The following SP100 variants were observed in gnomAD, a reference collection of about 807,000 sequenced individuals.
SP100 encodes SP100 nuclear body protein, also known as nuclear autoantigen Sp-100.
SP100 carries 84 observed loss-of-function variants against 130.0 expected under a neutral mutation model. The ratio of observed to expected loss-of-function variants is 0.65; its 90% CI spans 0.54 to 0.77. SP100 has a LOEUF of 0.77. SP100 is among the 30% of genes least tolerant of loss of function. SP100 has a pLI of 0.00. For missense variants in SP100, 978 were observed against 1,052.2 expected (o/e 0.93, Z 0.97); for synonymous variants, 331 against 351.7 (o/e 0.94, Z 0.66).
intron 16 of SP100, 23 bp from the exon 17 acceptor site, chr2:230,474,371 G>C: frequency 1.4e-6 from 2 of 1,386,990 alleles, no homozygotes; most frequent in Non-Finnish European, 2.0e-6. Flanking sequence ...ACAGTTCTCT[G>C]ACCACTACCT....
rs374876837 is a variant in SP100 at position 230,474,389 on chromosome 2, T to C, written c.1547-5T>C. 6.6e-7 allele frequency: 1 copy of C among 1,513,366 alleles called. No homozygotes were observed. Among genetic ancestry groups the C allele is most frequent in the Non-Finnish European group, 9.1e-7 (1 of 1,096,660 alleles). The allele number at this position is 1,513,366 out of a possible 1,614,324, so 93.7% of individuals were successfully genotyped here. On this transcript the variant is annotated splice_region_variant and splice_polypyrimidine_tract_variant and intron_variant, in intron 16 of 28. Transcript: ENST00000340126. ...GTTCTCTGACCACTACCTGTCACTTTCTAGATACCATGGATGTTGAAAACA... is the reference window on the plus strand; with the variant it reads ...GTTCTCTGACCACTACCTGTCACTTCCTAGATACCATGGATGTTGAAAACA...
intron 2 of SP100, among the ~76,000 whole-genome samples, chr2:230,433,426 T>G (rs947903506): frequency 3.6e-4 from 55 of 152,194 alleles, no homozygotes; most frequent in Admixed American, 3.0e-3. Context: ...TCACAAAGTA[T>G]AAGTCTTCCA....
chr2:230,501,175 G>C (rs1054255751), intron 19 of SP100, among the ~76,000 whole-genome samples: 5 of 152,166 alleles, frequency 3.3e-5, no homozygotes, highest in African/African-American at 1.2e-4. Flanking sequence ...CTGGGAGGTG[G>C]AGGTTGCAGC....
At chr2:230,521,654 T>C (rs1381187348) in intron 24 of SP100, among the ~76,000 whole-genome samples, 1 of 152,194 alleles carries the variant, frequency 6.6e-6, no homozygotes, top group Non-Finnish European at 1.5e-5. Flanking sequence ...CAGCTGGACC[T>C]AGATCAGGGT....
chr2:230,465,105 G>A (rs1187830132), intron 11 of SP100, among the ~76,000 whole-genome samples: 2 of 152,136 alleles, frequency 1.3e-5, no homozygotes, highest in Admixed American at 6.5e-5. Context: ...GCATGGTGGC[G>A]CTTGCCTATA....
At chr2:230,475,281 T>A (rs943673772) in intron 17 of SP100, among the ~76,000 whole-genome samples, 1 of 152,216 alleles carries the variant, frequency 6.6e-6, no homozygotes, top group African/African-American at 2.4e-5. Context: ...TGCATTTATC[T>A]GATGATTAGT....
chr2:230,428,773 C>T (rs955829797), intron 2 of SP100, among the ~76,000 whole-genome samples: 4 of 152,132 alleles, frequency 2.6e-5, no homozygotes, highest in Admixed American at 2.6e-4. Context: ...AACTAGATCT[C>T]ATAAGAACTC....
At chr2:230,541,185 C>A in intron 26 of SP100, 116 bp from the exon 27 acceptor site, 2 of 1,224,534 alleles carry the variant, frequency 1.6e-6, no homozygotes, top group Non-Finnish European at 2.3e-6. Context: ...ACTCCCCATG[C>A]CATGTTTGTT....
rs1291633451 is a variant in SP100 at position 230,440,702 on chromosome 2, A to G, written c.108-2235A>G. ...TGAAGAAATTGACAAACTGATTTGA[A>G]AAGATAATGTATAAAAGCAAAGAAT... On this transcript the variant is annotated intron_variant, in intron 2 of 28. Coordinates refer to ENST00000340126, the MANE Select transcript of SP100 (RefSeq NM_001080391.2). 5 of 709,928 alleles carry G rather than the reference A, an allele frequency of 7.0e-6. No individual in the cohort carries two copies. In the East Asian group the frequency reaches 1.4e-4, roughly 21 times the overall value. 44.0% of individuals were successfully genotyped at this position (709,928 alleles called of 1,614,324 possible).
At chr2:230,478,681 C>G (rs558001090) in intron 17 of SP100, among the ~76,000 whole-genome samples, 1 of 152,236 alleles carries the variant, frequency 6.6e-6, no homozygotes, top group Admixed American at 6.5e-5. Flanking sequence ...GTTATGAAGA[C>G]TTACATTTTT....
At chr2:230,427,844 C>CA (rs1233594211) in intron 2 of SP100, among the ~76,000 whole-genome samples, 2 of 152,220 alleles carry the variant, frequency 1.3e-5, no homozygotes. Context: ...CCCTCCCTCA[C>CA]ATTTCAGTCA....
intron 19 of SP100, among the ~76,000 whole-genome samples, chr2:230,502,455 T>C (rs752917731): frequency 1.9e-4 from 29 of 152,120 alleles, no homozygotes; most frequent in Admixed American, 4.6e-4. Context: ...TTAATTTATA[T>C]ATTTATCTCT....
Position 230,464,161 on chromosome 2 carries a change from T to G in SP100, c.1141+11T>G, listed in dbSNP as rs2064812354. The stretch of plus-strand genomic sequence containing the variant: ...CCCAGATTGTACCAGGTAAGAATAT[T>G]AGAGTTGCAACCCGAGACTGTAGAA... On this transcript the variant is annotated intron_variant, in intron 11 of 28. Coordinates refer to ENST00000340126, the MANE Select transcript of SP100 (RefSeq NM_001080391.2). 1 of 1,533,522 alleles carries G rather than the reference T, an allele frequency of 6.5e-7. No homozygotes were observed. The highest frequency in any genetic ancestry group is 9.0e-7 in the Non-Finnish European group (1 of 1,106,540). 95.0% of individuals were successfully genotyped at this position (1,533,522 alleles called of 1,614,324 possible).
chr2:230,455,561 T>C (rs75519622), intron 8 of SP100, among the ~76,000 whole-genome samples: 2,639 of 152,344 alleles, frequency 0.017, 80 homozygotes, highest in African/African-American at 0.057. Flanking sequence ...TTCATGATTT[T>C]TAAATTCATT....
At chr2:230,484,882 G>A (rs1248061495) in intron 17 of SP100, among the ~76,000 whole-genome samples, 2 of 151,836 alleles carry the variant, frequency 1.3e-5, no homozygotes, top group African/African-American at 4.8e-5. Context: ...TAATTCAACT[G>A]GTGTCTTTTT....
Position 230,504,258 on chromosome 2 carries a change from A to G in SP100, c.1838A>G (p.Lys613Arg). 6.2e-7 allele frequency: 1 copy of G among 1,610,280 alleles called. No individual in the cohort carries two copies. The highest frequency in any genetic ancestry group is 1.3e-5 in the African/African-American group (1 of 74,948). ...SELPVTCGEV[K>R]GTLYKERFKQ... Reference sequence around the variant, plus strand: ...CTTCCTGTGACCTGTGGTGAGGTGAAGGGCACTCTATATAAGGAGCGATTC... The same window carrying G: ...CTTCCTGTGACCTGTGGTGAGGTGAGGGGCACTCTATATAAGGAGCGATTC... The change falls in exon 21 of 29, where the codon AAG becomes AGG. Residue 613 changes from lysine to arginine, a missense_variant. By Grantham distance (26) the Lys-to-Arg change is conservative. Coordinates refer to ENST00000340126, the MANE Select transcript of SP100 (RefSeq NM_001080391.2).
chr2:230,480,529 T>C (rs1378371808), intron 17 of SP100, among the ~76,000 whole-genome samples: 1 of 152,216 alleles, frequency 6.6e-6, no homozygotes, highest in Admixed American at 6.5e-5. Context: ...GCTTCTTGAC[T>C]ACATGTTCTC....
chr2:230,456,114 T>C (rs1369406472), intron 8 of SP100, among the ~76,000 whole-genome samples: 6 of 152,256 alleles, frequency 3.9e-5, no homozygotes, highest in Admixed American at 3.9e-4. Context: ...TGTATTCATC[T>C]TTTGTTTTCC....
chr2:230,504,428 G>C (rs1411410122), intron 21 of SP100, 138 bp downstream of exon 21: 3 of 576,724 alleles, frequency 5.2e-6, no homozygotes, highest in Non-Finnish European at 9.4e-6. Flanking sequence ...GCTTTCCTAG[G>C]ACTTGGGACA....
Sources: gnomAD v4.1 joint callset for allele counts (sites outside exome capture counted in the v4.1 genomes callset) on GRCh38, gnomAD v4.1.1 for gene constraint, MANE v1.5 for transcripts, NCBI Gene and HGNC (gene_info 2026-07-23, HGNC 2026-07-21) for gene names.